SPIRE1: variants seen among roughly 807,000 people sequenced by gnomAD.
SPIRE1 encodes spire type actin nucleation factor 1.
Under a neutral mutation model 94.1 loss-of-function variants are expected in SPIRE1, and 40 were observed. The ratio of observed to expected loss-of-function variants is 0.43; its 90% CI spans 0.33 to 0.55. SPIRE1 has a LOEUF of 0.55. Ranked by LOEUF, SPIRE1 falls within the 20% of genes least tolerant of loss-of-function variation. The pLI is 0.06. For missense variants in SPIRE1, 838 were observed against 975.2 expected, an observed-to-expected ratio of 0.86 and a Z score of 1.87; for synonymous variants, 376 against 371.7, an observed-to-expected ratio of 1.01 and a Z score of -0.13.
At chr18:12,552,652 T>C (rs1164264065) in intron 2 of SPIRE1, among the ~76,000 whole-genome samples, 1 of 152,106 alleles carries the variant, frequency 6.6e-6, no homozygotes, top group East Asian at 1.9e-4. Flanking sequence ...ACTGTGAAGA[T>C]CCCTGTCCTA....
intron 2 of SPIRE1, among the ~76,000 whole-genome samples, chr18:12,588,587 G>T (rs2036447327): frequency 7.1e-6 from 1 of 140,710 alleles, no homozygotes; most frequent in Non-Finnish European, 1.5e-5. Flanking sequence ...GTTCACAAAT[G>T]CTCTCCTTGT....
chr18:12,450,585 A>G, intron 16 of SPIRE1: 1 of 550,030 alleles, frequency 1.8e-6, no homozygotes, highest in Non-Finnish European at 3.3e-6. Flanking sequence ...AAGTGCTCTG[A>G]GAGGTGGAAG....
intron 12 of SPIRE1, among the ~76,000 whole-genome samples, chr18:12,456,424 T>C (rs1358921109): frequency 6.6e-6 from 1 of 152,232 alleles, no homozygotes; most frequent in Non-Finnish European, 1.5e-5. Context: ...AGTTTTGCTC[T>C]TATTTTTATT....
intron 2 of SPIRE1, among the ~76,000 whole-genome samples, chr18:12,566,691 AAAG>A (rs1231213615): frequency 3.3e-5 from 5 of 152,128 alleles, no homozygotes; most frequent in Non-Finnish European, 5.9e-5. Flanking sequence ...AAACTCAATA[AAAG>A]AATAAATAAT....
Position 12,559,389 on chromosome 18 carries a change from C to T in SPIRE1, c.373-12485G>A, listed in dbSNP as rs918770659. Among the ~76,000 whole-genome samples, 2 of 152,172 alleles carry T rather than the reference C, an allele frequency of 1.3e-5. No homozygotes were observed. The highest frequency in any genetic ancestry group is 4.8e-5 in the African/African-American group (2 of 41,454). On this transcript the variant is annotated intron_variant, in intron 2 of 16. Transcript: ENST00000409402. This position sits in a 1 kb window ranked among gnomAD's most constrained non-coding sequence, Gnocchi z 4.7. ...GCCAGCCGGCAGCTCTGAGTGCTGG[C>T]CGGGCGAGACTGCACCCACCCGGAA...
chr18:12,461,349 AGAG>A (rs2031787932), intron 12 of SPIRE1, among the ~76,000 whole-genome samples: 1 of 152,080 alleles, frequency 6.6e-6, no homozygotes, highest in Non-Finnish European at 1.5e-5. Flanking sequence ...TGAGTGAAGA[AGAG>A]AATACCCTAA....
At chr18:12,505,090 TG>T (rs1489356852) in intron 6 of SPIRE1, among the ~76,000 whole-genome samples, 1 of 151,940 alleles carries the variant, frequency 6.6e-6, no homozygotes, top group Non-Finnish European at 1.5e-5. Context: ...GAAAAGCCAG[TG>T]GAAGGTTCTG....
chr18:12,472,587 T>G (rs2032403550), intron 10 of SPIRE1, among the ~76,000 whole-genome samples: 1 of 152,008 alleles, frequency 6.6e-6, no homozygotes, highest in African/African-American at 2.4e-5. Flanking sequence ...CAGGCTGGTC[T>G]TGAACTCCTG....
intron 2 of SPIRE1, among the ~76,000 whole-genome samples, chr18:12,550,736 C>A (rs1387575767): frequency 6.6e-6 from 1 of 152,192 alleles, no homozygotes; most frequent in Non-Finnish European, 1.5e-5. Context: ...TCTGAAACCA[C>A]TGAAACACAA....
chr18:12,512,356 C>T (rs2034061735), intron 5 of SPIRE1, 98 bp downstream of exon 5: 1 of 822,604 alleles, frequency 1.2e-6, no homozygotes, highest in Non-Finnish European at 1.9e-6. Context: ...CATTGCACTG[C>T]AGCCTGAGCA....
chr18:12,460,478 C>T (rs558050593), intron 12 of SPIRE1, among the ~76,000 whole-genome samples: 1 of 152,242 alleles, frequency 6.6e-6, no homozygotes, highest in East Asian at 1.9e-4. Context: ...TTTGGGAGGC[C>T]GAGGCGGGCA....
rs762192188 is a variant in SPIRE1, at chr18:12,454,380, T to C, written c.1742A>G (p.Tyr581Cys). 1 of 1,613,484 alleles carries C rather than the reference T, an allele frequency of 6.2e-7. No individual in the cohort carries two copies. Among genetic ancestry groups the C allele is most frequent in the Non-Finnish European group, 8.5e-7 (1 of 1,179,792 alleles). ...VKAELEKYQQYKDIYTALKKG... is the reference protein window; with the variant it reads ...VKAELEKYQQCKDIYTALKKG... Reference sequence around the variant, plus strand: ...TTTCAAGGCGGTGTAGATGTCTTTATACTGTTGGTATTTTTCCAGCTCTGC... The same window carrying C: ...TTTCAAGGCGGTGTAGATGTCTTTACACTGTTGGTATTTTTCCAGCTCTGC... The change falls in exon 13 of 17, where the codon TAT (tyrosine) becomes TGT (cysteine). Residue 581 changes from tyrosine to cysteine, a missense_variant. Physicochemically the swap from Tyr to Cys is radical, Grantham distance 194. Transcript: ENST00000409402.
intron 2 of SPIRE1, among the ~76,000 whole-genome samples, chr18:12,574,889 G>T (rs149912430): frequency 6.6e-6 from 1 of 152,172 alleles, no homozygotes; most frequent in Non-Finnish European, 1.5e-5. Context: ...GGAAGGCATC[G>T]TCATATGTAC....
At chr18:12,643,854 T>C (rs2038148660) in intron 1 of SPIRE1, among the ~76,000 whole-genome samples, 1 of 152,014 alleles carries the variant, frequency 6.6e-6, no homozygotes, top group South Asian at 2.1e-4. Flanking sequence ...AATACAGTAC[T>C]ATTCTTTAAA....
chr18:12,524,309 C>T (rs2144116339), intron 4 of SPIRE1, among the ~76,000 whole-genome samples: 1 of 152,324 alleles, frequency 6.6e-6, no homozygotes, highest in South Asian at 2.1e-4. Flanking sequence ...ATAATTCATC[C>T]TCCCATCCTA....
intron 1 of SPIRE1, among the ~76,000 whole-genome samples, chr18:12,655,989 C>T (rs2038528066): frequency 6.6e-6 from 1 of 152,174 alleles, no homozygotes; most frequent in Non-Finnish European, 1.5e-5. Flanking sequence ...GCCTCCACCT[C>T]CCAGGTTCAA....
intron 2 of SPIRE1, among the ~76,000 whole-genome samples, chr18:12,550,002 T>A (rs2035303620): frequency 6.6e-6 from 1 of 152,332 alleles, no homozygotes; most frequent in African/African-American, 2.4e-5. Flanking sequence ...AATCCAACAC[T>A]CTTTTCTGCC....
chr18:12,452,244 C>T lies in SPIRE1; in HGVS notation c.2012+11G>A, dbSNP rs745324643. ...CAAAGGATGGTTTGACAACCCAGGCCCCTTGCTCACCTGGCAATGCTCCGA... is the reference window on the plus strand; with the variant it reads ...CAAAGGATGGTTTGACAACCCAGGCTCCTTGCTCACCTGGCAATGCTCCGA... On this transcript the variant is annotated intron_variant, in intron 16 of 16. Transcript: ENST00000409402. The T allele has an allele frequency of 1.9e-6, 3 of 1,613,322 alleles. No homozygotes were observed. Among genetic ancestry groups the T allele is most frequent in the African/African-American group, 2.7e-5 (2 of 74,940 alleles).
intron 2 of SPIRE1, among the ~76,000 whole-genome samples, chr18:12,576,813 C>T (rs866990899): frequency 2.1e-5 from 3 of 140,254 alleles, no homozygotes; most frequent in African/African-American, 7.9e-5. Context: ...TGCTCGAACC[C>T]GGGAGGTGAA....
Sources: allele counts gnomAD v4.1 joint callset (sites outside exome capture counted in the v4.1 genomes callset), GRCh38; gene constraint gnomAD v4.1.1; non-coding constraint Gnocchi (gnomAD v3.1); transcripts MANE v1.5; gene names NCBI Gene and HGNC (gene_info 2026-07-23, HGNC 2026-07-21).